The following ANKRD12 variants were observed in gnomAD, a reference collection of about 807,000 sequenced individuals.
ANKRD12 encodes ankyrin repeat domain-containing protein 12.
A neutral mutation model predicts 183.4 loss-of-function variants in ANKRD12; 85 were observed. That is an observed-to-expected ratio of 0.46 (90% CI 0.39 to 0.56). The LOEUF (loss-of-function observed/expected upper bound fraction) is 0.56, where lower values mean the gene tolerates loss of function less well. Among genes scored for constraint, ANKRD12 ranks in the 20% least tolerant of loss-of-function variants. The probability of loss-of-function intolerance (pLI) is 0.00; values close to 1 mark genes in which losing one functional copy is unlikely to be tolerated. For synonymous variants in ANKRD12, 914 were observed against 800.2 expected (o/e 1.14, Z -2.40); for missense variants, 2,405 against 2,357.1 (o/e 1.02, Z -0.42).
rs763515551 is a variant in ANKRD12 at position 9,256,095 on chromosome 18, A to C, written c.2828A>C (p.Tyr943Ser). ...AATAAACAATCAGATAATAGTGAAT[A>C]CAGTAAATCAGAAAAAGGCAAAAAT... Reference protein sequence around the residue: ...KKNKQSDNSEYSKSEKGKNKE... With the variant: ...KKNKQSDNSESSKSEKGKNKE... Residue 943 changes from tyrosine to serine, a missense_variant, in exon 9 of 13, where the codon TAC becomes TCC. By Grantham distance (144) the Tyr-to-Ser change is moderately radical (BLOSUM62 -2). Around this residue, in one of 7 missense-constraint regions of ANKRD12, gnomAD observed 1,983 missense variants for 1,725.9 expected, o/e 1.15. Transcript: ENST00000262126. 3 of 1,559,314 alleles carry C rather than the reference A, an allele frequency of 1.9e-6. No individual in the cohort carries two copies. Among genetic ancestry groups the C allele is most frequent in the Non-Finnish European group, 1.7e-6 (2 of 1,161,210 alleles).
rs977452714 is a variant in ANKRD12, at chr18:9,281,334, ATTATT to A, written c.*210_*214del. On this transcript the variant is annotated 3_prime_UTR_variant, in exon 13 of 13. Transcript: ENST00000262126. ...CAAACACAGTTTCTAATAGAAAACT[ATTATT>A]TATATTGGGAAAGGTAACTATTGCA... is the stretch of plus-strand genomic sequence containing the variant. The A allele has an allele frequency of 4.0e-5, 17 of 421,824 alleles. No homozygotes were observed. Among genetic ancestry groups the A allele is most frequent in the Non-Finnish European group, 4.1e-6 (1 of 242,622 alleles). 26.1% of individuals were successfully genotyped at this position (421,824 alleles called of 1,614,324 possible).
chr18:9,265,085 C>T (rs997101382), intron 10 of ANKRD12, among the ~76,000 whole-genome samples: 8 of 152,240 alleles, frequency 5.3e-5, no homozygotes, highest in Admixed American at 1.3e-4. Context: ...GGGAGGGGCA[C>T]CCGCCATTGC....
At chr18:9,209,814 A>C (rs1240564615) in intron 5 of ANKRD12, among the ~76,000 whole-genome samples, 1 of 152,186 alleles carries the variant, frequency 6.6e-6, no homozygotes, top group Non-Finnish European at 1.5e-5. Context: ...ACATTTATTA[A>C]AACTGATTTT....
At chr18:9,263,165 C>T (rs759024565) in intron 9 of ANKRD12, among the ~76,000 whole-genome samples, 7 of 152,154 alleles carry the variant, frequency 4.6e-5, no homozygotes, top group Non-Finnish European at 8.8e-5. Context: ...CCAGCATCTA[C>T]CGGAAAACAC....
chr18:9,204,337 GCTTTA>G, intron 3 of ANKRD12, 134 bp from the exon 4 acceptor site: 1 of 647,070 alleles, frequency 1.5e-6, no homozygotes, highest in Non-Finnish European at 2.7e-6. Flanking sequence ...TATAATTTTG[GCTTTA>G]CTTTAAAAAT....
chr18:9,164,188 A>G (rs899657525), intron 1 of ANKRD12, among the ~76,000 whole-genome samples: 2 of 152,112 alleles, frequency 1.3e-5, no homozygotes. Flanking sequence ...ATTTTGTGGT[A>G]TGTTCCTTCA....
chr18:9,234,420 G>A (rs2037229200), intron 8 of ANKRD12, among the ~76,000 whole-genome samples: 1 of 152,222 alleles, frequency 6.6e-6, no homozygotes, highest in Non-Finnish European at 1.5e-5. Flanking sequence ...ACAGCTGTAT[G>A]CAGGGAGCTC....
At chr18:9,159,970 C>A (rs938560569) in intron 1 of ANKRD12, among the ~76,000 whole-genome samples, 6 of 150,770 alleles carry the variant, frequency 4.0e-5, no homozygotes, top group African/African-American at 1.2e-4. Flanking sequence ...ACACGCAGCT[C>A]ATTTTAAAAT....
At chr18:9,204,318 T>G (rs1268959779) in intron 3 of ANKRD12, among the ~76,000 whole-genome samples, 158 bp from the exon 4 acceptor site, 1 of 152,268 alleles carries the variant, frequency 6.6e-6, no homozygotes, top group Non-Finnish European at 1.5e-5. Context: ...ACCAAACCTG[T>G]GTTTTAAATA....
In ANKRD12 at chr18:9,254,755, A is replaced by G. The variant is rs1378843604; in HGVS notation, c.1488A>G (p.Glu496=). 2.0e-6 allele frequency: 3 copies of G among 1,474,510 alleles called. No homozygotes were observed. The highest frequency in any genetic ancestry group is 2.7e-6 in the Non-Finnish European group (3 of 1,113,586). The allele number at this position is 1,474,510 out of a possible 1,614,324, so 91.3% of individuals were successfully genotyped here. A position where few individuals can be genotyped will look rare whatever the true frequency, so the allele number is the denominator to read the frequency against. Residue 496 remains glutamate, a synonymous_variant, in exon 9 of 13, where the codon GAA becomes GAG. Coordinates refer to ENST00000262126, the MANE Select transcript of ANKRD12 (RefSeq NM_015208.5). Reference sequence around the variant, plus strand: ...TAAAGCAAGAAAAGGAAGGAAAAGAAAATACAAGAATAACAAACTTGACAG... The same window carrying G: ...TAAAGCAAGAAAAGGAAGGAAAAGAGAATACAAGAATAACAAACTTGACAG... ...QELKQEKEGK[E]NTRITNLTVN...
At chr18:9,265,746 C>T (rs1168126539) in intron 10 of ANKRD12, among the ~76,000 whole-genome samples, 1 of 152,116 alleles carries the variant, frequency 6.6e-6, no homozygotes, top group African/African-American at 2.4e-5. Flanking sequence ...AGCTCCTCAC[C>T]AGCAACGGAA....
Position 9,255,859 on chromosome 18 carries a change from T to A in ANKRD12, c.2592T>A (p.Val864=). ...ACAAATTAGATCTTAGTGAATGTGT[T>A]GATAAAATAAAAGAAAAGGACAAGC... The part of the protein sequence containing the change: ...EKDKLDLSEC[V]DKIKEKDKLY... Residue 864 remains valine, a synonymous_variant, in exon 9 of 13, where the codon GTT becomes GTA. Coordinates refer to ENST00000262126, the MANE Select transcript of ANKRD12 (RefSeq NM_015208.5). 6.3e-7 allele frequency: 1 copy of A among 1,588,970 alleles called. No individual in the cohort carries two copies. Among genetic ancestry groups the A allele is most frequent in the Non-Finnish European group, 8.5e-7 (1 of 1,173,308 alleles).
Position 9,254,507 on chromosome 18 carries a change from A to G in ANKRD12, c.1240A>G (p.Lys414Glu). ...CTTCTATCCTAAATCATTTAAAAGT[A>G]AAAAACAAAAGCCATCTAGGGTCTT... ...KAFYPKSFKS[K>E]KQKPSRVLYS... Residue 414 changes from lysine (K) to glutamate (E), a missense_variant, in exon 9 of 13, where the codon AAA (lysine) becomes GAA (glutamate). Transcript: ENST00000262126. The G allele has an allele frequency of 6.5e-7, 1 of 1,539,582 alleles. No individual in the cohort carries two copies. The highest frequency in any genetic ancestry group is 8.7e-7 in the Non-Finnish European group (1 of 1,149,008).
In ANKRD12 at chr18:9,191,671, C is replaced by T. The variant is rs2034463547; in HGVS notation, c.88-3880C>T. ...GTTTTCTGTATTTCTGTTGCTTTGACTTCTGAGGCCTTGCTGAGCATTGAG... is the reference window on the plus strand; with the variant it reads ...GTTTTCTGTATTTCTGTTGCTTTGATTTCTGAGGCCTTGCTGAGCATTGAG... On this transcript the variant is annotated intron_variant, in intron 2 of 12. Coordinates refer to ENST00000262126, the MANE Select transcript of ANKRD12 (RefSeq NM_015208.5). 2.0e-5 allele frequency among the ~76,000 whole-genome samples: 3 copies of T among 152,172 alleles called. No homozygotes were observed. The South Asian group carries it at 6.2e-4, about 31-fold the overall frequency.
intron 3 of ANKRD12, among the ~76,000 whole-genome samples, chr18:9,202,634 C>T (rs959595102): frequency 1.3e-5 from 2 of 152,158 alleles, no homozygotes; most frequent in Admixed American, 1.3e-4. Flanking sequence ...TGTTTTGCCT[C>T]GCTACAAGGA....
At chr18:9,265,588 A>G (rs1353616449) in intron 10 of ANKRD12, among the ~76,000 whole-genome samples, 3 of 152,200 alleles carry the variant, frequency 2.0e-5, no homozygotes, top group African/African-American at 7.2e-5. Context: ...GAAAACTAAC[A>G]AACAGAAAGG....
intron 1 of ANKRD12, among the ~76,000 whole-genome samples, chr18:9,180,108 C>T (rs189244286): frequency 5.8e-4 from 89 of 152,174 alleles, no homozygotes; most frequent in African/African-American, 1.6e-3. Flanking sequence ...ATCAGTTGGC[C>T]GTTTTTGTTT....
chr18:9,179,463 A>T (rs1180296345), intron 1 of ANKRD12, among the ~76,000 whole-genome samples: 1 of 152,142 alleles, frequency 6.6e-6, no homozygotes, highest in Non-Finnish European at 1.5e-5. Context: ...TTACCTGTTG[A>T]GATGGTCATA....
rs1031903321 is a variant in ANKRD12, at chr18:9,285,459, C to T, written c.*4333C>T. ...AAAAAAAAAAAAAAAAAGTATATCA[C>T]ATATGTAGCATGTGTTTACAAGTTT... On this transcript the variant is annotated 3_prime_UTR_variant, in exon 13 of 13. Coordinates refer to ENST00000262126, the MANE Select transcript of ANKRD12 (RefSeq NM_015208.5). 5.4e-5 allele frequency: 8 copies of T among 148,106 alleles called. No individual in the cohort carries two copies. Among genetic ancestry groups the T allele is most frequent in the Non-Finnish European group, 1.0e-4 (7 of 67,240 alleles). The allele number at this position is 148,106 out of a possible 1,614,324, so 9.2% of individuals were successfully genotyped here.
Sources: gnomAD v4.1 joint callset for allele counts (sites outside exome capture counted in the v4.1 genomes callset) on GRCh38, gnomAD v4.1.1 for gene constraint, gnomAD v4.1.1 regional missense constraint, MANE v1.5 for transcripts, NCBI Gene and HGNC (gene_info 2026-07-23, HGNC 2026-07-21) for gene names.